NXPH1: variants seen among roughly 807,000 people sequenced by gnomAD.
NXPH1 encodes the protein neurexophilin 1.
Under a neutral mutation model 23.7 loss-of-function variants are expected in NXPH1, and 5 were observed. That is an observed-to-expected ratio of 0.21 (90% CI 0.11 to 0.44). The LOEUF is 0.44. Ranked by LOEUF, NXPH1 falls within the 20% of genes least tolerant of loss-of-function variation. The pLI is 0.99. For missense variants in NXPH1, 324 were observed against 321.6 expected, an observed-to-expected ratio of 1.01 and a Z score of -0.06; for synonymous variants, 144 against 122.2, an observed-to-expected ratio of 1.18 and a Z score of -1.18.
chr7:8,706,100 G>A (rs974921383), intron 2 of NXPH1, among the ~76,000 whole-genome samples: 2 of 152,114 alleles, frequency 1.3e-5, no homozygotes, highest in African/African-American at 4.8e-5. Context: ...AGGAGAATTA[G>A]GGTTATAGTC....
At chr7:8,517,684 C>A (rs904623802) in intron 2 of NXPH1, among the ~76,000 whole-genome samples, 3 of 152,234 alleles carry the variant, frequency 2.0e-5, no homozygotes, top group Non-Finnish European at 2.9e-5. Flanking sequence ...TGTGCCTGGG[C>A]TTCTGTTTAC....
intron 2 of NXPH1, among the ~76,000 whole-genome samples, chr7:8,476,744 G>T (rs1816980666): frequency 6.6e-6 from 1 of 151,970 alleles, no homozygotes; most frequent in Non-Finnish European, 1.5e-5. Flanking sequence ...TACAAAATAA[G>T]CTAAAACTGT....
rs34593997 is a variant in NXPH1, at chr7:8,739,171, T to TAAAAAA, written c.55-11809_55-11804dup. Among the ~76,000 whole-genome samples the TAAAAAA allele has an allele frequency of 4.2e-3, 227 of 54,032 alleles. 2 individuals are homozygous for TAAAAAA. The highest frequency in any genetic ancestry group is 0.013 in the African/African-American group (164 of 13,088). The allele number at this position is 54,032 out of a possible 152,430, so 35.4% of individuals were successfully genotyped here. ...ACTGGAGTTCCAGGCACCAGTGGGGTAAAAAAAAAAAAAAAAAAAAAAAAA... is the reference window on the plus strand; with the variant it reads ...ACTGGAGTTCCAGGCACCAGTGGGGTAAAAAAAAAAAAAAAAAAAAAAAAAAAAAAA... On this transcript the variant is annotated intron_variant, in intron 2 of 2. Transcript: ENST00000405863.
At chr7:8,718,511 G>A (rs1779914140) in intron 2 of NXPH1, among the ~76,000 whole-genome samples, 2 of 152,188 alleles carry the variant, frequency 1.3e-5, no homozygotes, top group South Asian at 2.1e-4. Context: ...GTTGAAAAGA[G>A]TAGTTGCAAA....
chr7:8,436,785 T>C (rs1816203681), intron 2 of NXPH1, among the ~76,000 whole-genome samples: 1 of 152,172 alleles, frequency 6.6e-6, no homozygotes, highest in Non-Finnish European at 1.5e-5. Context: ...CCGAACTCTC[T>C]GATGGGCTAC....
At chr7:8,462,277 G>T (rs954101587) in intron 2 of NXPH1, among the ~76,000 whole-genome samples, 3 of 152,172 alleles carry the variant, frequency 2.0e-5, no homozygotes, top group Non-Finnish European at 4.4e-5. Context: ...TCGATCTCTT[G>T]ACCTCATGAT....
At chr7:8,737,971 T>G (rs1780291007) in intron 2 of NXPH1, among the ~76,000 whole-genome samples, 1 of 152,244 alleles carries the variant, frequency 6.6e-6, no homozygotes, top group Non-Finnish European at 1.5e-5. Context: ...GTGCTGTGTT[T>G]TTCAGCTCCA....
chr7:8,581,589 G>A (rs781086329), intron 2 of NXPH1, among the ~76,000 whole-genome samples: 4 of 152,138 alleles, frequency 2.6e-5, no homozygotes, highest in Non-Finnish European at 2.9e-5. Context: ...ATTACAGTTC[G>A]ACGTGAGATT....
intron 2 of NXPH1, among the ~76,000 whole-genome samples, chr7:8,696,872 A>G (rs6463835): frequency 0.4 from 57,310 of 144,816 alleles, 11,823 homozygotes; most frequent in Non-Finnish European, 0.45. Context: ...GGCCGGGCAC[A>G]GTAGCTCATG....
intron 2 of NXPH1, among the ~76,000 whole-genome samples, chr7:8,473,420 G>T (rs1290676813): frequency 6.6e-6 from 1 of 152,144 alleles, no homozygotes; most frequent in Non-Finnish European, 1.5e-5. Context: ...CAGGATGATA[G>T]TCAGCTGACA....
In NXPH1 at chr7:8,727,579, A is replaced by G. The variant is rs1393723364; in HGVS notation, c.55-23429A>G. On this transcript the variant is annotated intron_variant, in intron 2 of 2. Coordinates refer to ENST00000405863, the MANE Select transcript of NXPH1 (RefSeq NM_152745.3). ...ATTGCTAGCCAGGTTTCCCAGCACC[A>G]TTTATTAAATAGGGAATCCTTTCCC... is the stretch of plus-strand genomic sequence containing the variant. Among the ~76,000 whole-genome samples the G allele has an allele frequency of 7.2e-5, 11 of 152,120 alleles. No individual in the cohort carries two copies. In the East Asian group the frequency reaches 1.9e-3, roughly 27 times the overall value.
intron 2 of NXPH1, among the ~76,000 whole-genome samples, chr7:8,550,436 G>C (rs1004189131): frequency 6.6e-6 from 1 of 151,560 alleles, no homozygotes; most frequent in Non-Finnish European, 1.5e-5. Flanking sequence ...CTGTTATAGA[G>C]TGAGCCTGCA....
In NXPH1 at chr7:8,634,150, G is replaced by T. The variant is rs142593186; in HGVS notation, c.55-116858G>T. ...CCCCACTCAAATCTCATCTTGAACT[G>T]TAGCTCCCATAATCCCCACGTATCA... On this transcript the variant is annotated intron_variant, in intron 2 of 2. Coordinates refer to ENST00000405863, the MANE Select transcript of NXPH1 (RefSeq NM_152745.3). Among the ~76,000 whole-genome samples, 852 of 152,180 alleles carry T rather than the reference G, an allele frequency of 5.6e-3. 5 individuals carry two copies. Among genetic ancestry groups the T allele is most frequent in the African/African-American group, 0.019 (788 of 41,532 alleles).
chr7:8,680,744 G>T (rs2115176318), intron 2 of NXPH1, among the ~76,000 whole-genome samples: 1 of 152,292 alleles, frequency 6.6e-6, no homozygotes, highest in Non-Finnish European at 1.5e-5. Context: ...AACAGTTATT[G>T]ATATAAAGTT....
intron 2 of NXPH1, among the ~76,000 whole-genome samples, chr7:8,552,257 T>C (rs971680689): frequency 1.7e-4 from 26 of 151,426 alleles, no homozygotes; most frequent in African/African-American, 6.0e-4. Context: ...ATAATGTTCC[T>C]ATGCAATTAT....
At chr7:8,735,879 C>G (rs1780245466) in intron 2 of NXPH1, among the ~76,000 whole-genome samples, 1 of 152,118 alleles carries the variant, frequency 6.6e-6, no homozygotes. Flanking sequence ...TGTATGTGTC[C>G]AGGAATTTAT....
intron 2 of NXPH1, among the ~76,000 whole-genome samples, chr7:8,464,440 A>G (rs1272374274): frequency 3.3e-5 from 5 of 152,160 alleles, no homozygotes; most frequent in Admixed American, 3.3e-4. Context: ...GCATCTTGCA[A>G]TTTTAATCTT....
intron 2 of NXPH1, among the ~76,000 whole-genome samples, chr7:8,656,885 C>G (rs1006267938): frequency 1.3e-5 from 2 of 152,172 alleles, no homozygotes; most frequent in African/African-American, 4.8e-5. Flanking sequence ...TGAGGATTGT[C>G]TTACTCACTT....
At chr7:8,648,139 G>A (rs185207724) in intron 2 of NXPH1, among the ~76,000 whole-genome samples, 2,082 of 152,210 alleles carry the variant, frequency 0.014, 36 homozygotes, top group Non-Finnish European at 0.012. Flanking sequence ...ATCCCCTCAA[G>A]CATTTATCCT....
Sources: gnomAD v4.1 joint callset for allele counts (sites outside exome capture counted in the v4.1 genomes callset) on GRCh38, gnomAD v4.1.1 for gene constraint, MANE v1.5 for transcripts, NCBI Gene and HGNC (gene_info 2026-07-23, HGNC 2026-07-21) for gene names.